COX10: variants seen among roughly 807,000 people sequenced by gnomAD.
COX10 encodes the protein cytochrome c oxidase assembly factor heme A:farnesyltransferase COX10, also known as protoheme IX farnesyltransferase, mitochondrial.
In COX10, 27 loss-of-function variants were observed where a neutral mutation model predicts 37.3. The observed-to-expected ratio is 0.72, with a 90% CI of 0.53 to 1.00. The LOEUF is 1.00. Ranked by LOEUF, COX10 falls within the 50% of genes least tolerant of loss-of-function variation. The pLI is 0.00. For synonymous variants in COX10, 222 were observed against 229.1 expected, an observed-to-expected ratio of 0.97 and a Z score of 0.28; for missense variants, 475 against 563.2, an observed-to-expected ratio of 0.84 and a Z score of 1.59.
At chr17:14,154,209 G>A (rs1205538847) in intron 4 of COX10, among the ~76,000 whole-genome samples, 4 of 152,104 alleles carry the variant, frequency 2.6e-5, no homozygotes, top group African/African-American at 7.2e-5. Context: ...ATTGGTGGGC[G>A]TTTCATGGGT....
chr17:14,172,730 G>C (rs1247383899), intron 5 of COX10, among the ~76,000 whole-genome samples: 2 of 151,584 alleles, frequency 1.3e-5, no homozygotes, highest in African/African-American at 2.4e-5. Flanking sequence ...GGTGCCAGTC[G>C]CTGGGCCTAG....
intron 3 of COX10, among the ~76,000 whole-genome samples, chr17:14,094,736 G>T (rs546776293): frequency 3.3e-5 from 5 of 152,200 alleles, no homozygotes; most frequent in Non-Finnish European, 7.3e-5. Context: ...AAGTCCAAGT[G>T]CAGTGACCAG....
chr17:14,079,760 G>A (rs1915237549), intron 3 of COX10, among the ~76,000 whole-genome samples: 1 of 151,866 alleles, frequency 6.6e-6, no homozygotes, highest in South Asian at 2.1e-4. Context: ...AAACCCCTGT[G>A]TGAAATGTCG....
At chr17:14,113,648 A>G (rs1191272566) in intron 4 of COX10, among the ~76,000 whole-genome samples, 1 of 152,170 alleles carries the variant, frequency 6.6e-6, no homozygotes, top group African/African-American at 2.4e-5. Flanking sequence ...CTTGAATTAT[A>G]TCGTAAAAGA....
In COX10 at chr17:14,120,493, A is replaced by G. The variant is rs550638017; in HGVS notation, c.624+18251A>G. Among the ~76,000 whole-genome samples the G allele has an allele frequency of 6.6e-5, 10 of 152,290 alleles. No homozygotes were observed. In the East Asian group the frequency reaches 1.2e-3, roughly 18 times the overall value. On this transcript the variant is annotated intron_variant, in intron 4 of 6. Transcript: ENST00000261643. ...GGGCATATTTCAAGGAGGAAGGAAG[A>G]TTAATAGAATGCTGTCATAAGGTGA...
chr17:14,070,790 G>C lies in COX10; in HGVS notation c.43+1142G>C, dbSNP rs192337457. 2.1e-3 allele frequency among the ~76,000 whole-genome samples: 321 copies of C among 152,310 alleles called. 1 individual carries two copies. The highest frequency in any genetic ancestry group is 7.5e-3 in the African/African-American group (311 of 41,560). ...TTATTTTATGGCTGTCTTCTGGTCTGTGTGATTCCAGGGCAATTCATTTGA... is the reference window on the plus strand; with the variant it reads ...TTATTTTATGGCTGTCTTCTGGTCTCTGTGATTCCAGGGCAATTCATTTGA... On this transcript the variant is annotated intron_variant, in intron 1 of 6. Transcript: ENST00000261643.
intron 5 of COX10, among the ~76,000 whole-genome samples, chr17:14,166,785 C>CTTTTTTTTTTTTTTTT (rs57127092): frequency 8.0e-5 from 8 of 100,256 alleles, no homozygotes; most frequent in Admixed American, 2.5e-4. Context: ...CTATTTCTTT[C>CTTTTTTTTTTTTTTTT]TTTTTTTTTT....
chr17:14,125,615 T>G (rs530873857), intron 4 of COX10, among the ~76,000 whole-genome samples: 1 of 152,268 alleles, frequency 6.6e-6, no homozygotes, highest in South Asian at 2.1e-4. Context: ...TGTTAGTAGT[T>G]GAGGCATGTG....
intron 1 of COX10, among the ~76,000 whole-genome samples, chr17:14,072,053 T>C (rs961615105): frequency 6.6e-6 from 1 of 152,252 alleles, no homozygotes; most frequent in Admixed American, 6.5e-5. Context: ...TTATAATCTT[T>C]GTGTATCTCT....
intron 6 of COX10, among the ~76,000 whole-genome samples, chr17:14,192,439 G>A (rs1360968690): frequency 6.6e-6 from 1 of 152,112 alleles, no homozygotes; most frequent in Non-Finnish European, 1.5e-5. Flanking sequence ...TCCCTTATAG[G>A]GAATGTCTGG....
intron 4 of COX10, among the ~76,000 whole-genome samples, chr17:14,106,514 T>G (rs532575690): frequency 2.6e-5 from 4 of 152,202 alleles, no homozygotes; most frequent in Non-Finnish European, 4.4e-5. Flanking sequence ...GTCAAGAGAT[T>G]ATGAAGTTTT....
At chr17:14,106,206 G>A (rs188569424) in intron 4 of COX10, among the ~76,000 whole-genome samples, 14 of 151,986 alleles carry the variant, frequency 9.2e-5, no homozygotes, top group Non-Finnish European at 1.6e-4. Flanking sequence ...TAGTTGAGAC[G>A]TGGTTTCACC....
At chr17:14,206,495 G>A (rs1056502020) in intron 6 of COX10, among the ~76,000 whole-genome samples, 7 of 152,222 alleles carry the variant, frequency 4.6e-5, no homozygotes, top group East Asian at 1.9e-4. Flanking sequence ...AGGAGCCAGC[G>A]ATGGTAAGCG....
At chr17:14,128,184 T>TA (rs1337018886) in intron 4 of COX10, among the ~76,000 whole-genome samples, 18 of 152,276 alleles carry the variant, frequency 1.2e-4, no homozygotes, top group Admixed American at 9.2e-4. Context: ...TCCAAAAGCT[T>TA]ATACATGAAA....
intron 3 of COX10, among the ~76,000 whole-genome samples, chr17:14,086,113 T>G (rs556738101): frequency 4.6e-5 from 7 of 152,274 alleles, no homozygotes; most frequent in African/African-American, 7.2e-5. Context: ...CACAAATGTC[T>G]TATGTTGTTT....
chr17:14,152,418 G>A (rs935321496), intron 4 of COX10, among the ~76,000 whole-genome samples: 1 of 152,132 alleles, frequency 6.6e-6, no homozygotes, highest in African/African-American at 2.4e-5. Flanking sequence ...CAGTATGGGG[G>A]AAACCGCTAC....
At chr17:14,098,177 CG>C (rs1915692240) in intron 3 of COX10, among the ~76,000 whole-genome samples, 1 of 152,052 alleles carries the variant, frequency 6.6e-6, no homozygotes, top group Admixed American at 6.6e-5. Flanking sequence ...TAGTAAACAA[CG>C]CTACGTTTGT....
chr17:14,099,906 G>A (rs904594974), intron 3 of COX10, among the ~76,000 whole-genome samples: 3 of 152,080 alleles, frequency 2.0e-5, no homozygotes, highest in African/African-American at 7.2e-5. Context: ...TTTCCCTAAT[G>A]TCCTTACTTC....
intron 3 of COX10, among the ~76,000 whole-genome samples, chr17:14,082,907 C>T (rs151121747): frequency 0.011 from 1,604 of 152,218 alleles, 14 homozygotes; most frequent in Non-Finnish European, 0.015. Context: ...GGTCCTAGAC[C>T]ACACTTCGAG....
Sources: allele counts gnomAD v4.1 joint callset (sites outside exome capture counted in the v4.1 genomes callset), GRCh38; gene constraint gnomAD v4.1.1; transcripts MANE v1.5; gene names NCBI Gene and HGNC (gene_info 2026-07-23, HGNC 2026-07-21).